The following ZNF385C variants were observed in gnomAD, a reference collection of about 807,000 sequenced individuals.
The protein encoded by ZNF385C is CTD-2132N18.2.
Under a neutral mutation model 35.4 loss-of-function variants are expected in ZNF385C, and 28 were observed. That is an observed-to-expected ratio of 0.79 (90% CI 0.59 to 1.08). The LOEUF (loss-of-function observed/expected upper bound fraction) is 1.08, where lower values mean the gene tolerates loss of function less well. Among genes scored for constraint, ZNF385C ranks in the 50% least tolerant of loss-of-function variants. The pLI is 0.00. For synonymous variants in ZNF385C, 248 were observed against 248.2 expected (o/e 1.00, Z 0.01); for missense variants, 605 against 595.6 (o/e 1.02, Z -0.16).
At position 42,031,771 on chromosome 17, in the gene ZNF385C, G is replaced by A. The variant is rs781856145; in HGVS notation, c.524C>T (p.Ala175Val). The A allele has an allele frequency of 1.3e-6, 2 of 1,550,796 alleles. No individual in the cohort carries two copies. The highest frequency in any genetic ancestry group is 2.4e-5 in the South Asian group (2 of 84,052). The change falls in exon 5 of 9, where the codon GCA (alanine) becomes GTA (valine). Residue 175 changes from alanine (A) to valine (V), a missense_variant. Ala to Val is a moderately conservative substitution (Grantham distance 64, BLOSUM62 0). Transcript: ENST00000692273. ...LRFNSANQAE[A>V]HYKGHKHARK... ...GGCGTGTTTGTGGCCTTTATAATGT[G>A]CCTCGGCCTGGTTCTGGGGAGGGGA... is the stretch of plus-strand genomic sequence containing the variant.
chr17:42,096,183 C>T (rs759223500), intron 1 of ZNF385C, among the ~76,000 whole-genome samples: 1 of 152,202 alleles, frequency 6.6e-6, no homozygotes, highest in South Asian at 2.1e-4. Flanking sequence ...CTTGCTCCAT[C>T]CACAGCCCCT....
chr17:42,081,658 G>A (rs2053750572), intron 1 of ZNF385C, among the ~76,000 whole-genome samples: 1 of 152,056 alleles, frequency 6.6e-6, no homozygotes, highest in Admixed American at 6.6e-5. Context: ...TTACAGGCAT[G>A]AGCCACCACG....
At chr17:42,040,045 A>C (rs1555655949) in intron 2 of ZNF385C, 1 of 1,230,944 alleles carries the variant, frequency 8.1e-7, no homozygotes, top group Admixed American at 4.2e-5. Flanking sequence ...GCGCTTAAAC[A>C]GCGCGAAGTC....
At chr17:42,037,626 GA>G (rs1362297506) in intron 3 of ZNF385C, 110 bp downstream of exon 3, 5 of 1,333,864 alleles carry the variant, frequency 3.7e-6, no homozygotes, top group South Asian at 1.6e-5. Context: ...GGATGTTGGA[GA>G]AAAAGCTCCT....
chr17:42,092,064 G>T (rs782020213), intron 1 of ZNF385C, among the ~76,000 whole-genome samples: 1 of 152,168 alleles, frequency 6.6e-6, no homozygotes, highest in African/African-American at 2.4e-5. Context: ...TTGATTCTGC[G>T]AAAGTTCCTT....
chr17:42,032,251 G>A (rs536015633), intron 4 of ZNF385C, among the ~76,000 whole-genome samples: 7 of 152,120 alleles, frequency 4.6e-5, no homozygotes, highest in African/African-American at 1.7e-4. Flanking sequence ...TAGTAGAGAC[G>A]GGGTTTCACC....
chr17:42,097,010 C>G (rs1389877944), intron 1 of ZNF385C, among the ~76,000 whole-genome samples: 11 of 151,896 alleles, frequency 7.2e-5, no homozygotes, highest in East Asian at 1.9e-4. Flanking sequence ...CCACTCCCCC[C>G]TCCCCTGCTC....
At chr17:42,040,565 G>C (rs2052993639) in intron 2 of ZNF385C, 3 of 1,232,780 alleles carry the variant, frequency 2.4e-6, no homozygotes, top group African/African-American at 3.1e-5. Context: ...CGCAGGGCCA[G>C]GGCCAGTGAC....
rs2052641208 is a variant in ZNF385C, at chr17:42,028,203, G to A, written c.1011C>T (p.Pro337=). The part of the protein sequence containing the change: ...RWMMEGQRGA[P]RRSRGRPVSR... Reference sequence around the variant, plus strand: ...ACACCGGGCGGCCCCGGCTCCTCCGGGGAGCCCCTCGCTGACCTTCCATCA... The same window carrying A: ...ACACCGGGCGGCCCCGGCTCCTCCGAGGAGCCCCTCGCTGACCTTCCATCA... The change falls in exon 7 of 9, where the codon CCC becomes CCT. Residue 337 remains proline (P), a synonymous_variant. Coordinates refer to ENST00000692273, the MANE Select transcript of ZNF385C (RefSeq NM_001392013.1). 6.4e-7 allele frequency: 1 copy of A among 1,571,860 alleles called. No individual in the cohort carries two copies. The highest frequency in any genetic ancestry group is 8.6e-7 in the Non-Finnish European group (1 of 1,161,114).
chr17:42,076,347 C>T (rs984668187), intron 1 of ZNF385C, among the ~76,000 whole-genome samples: 3 of 151,598 alleles, frequency 2.0e-5, no homozygotes, highest in African/African-American at 7.3e-5. Flanking sequence ...TCTGGCCGGG[C>T]GCGGTGGCTC....
chr17:42,067,412 T>G (rs560184267), intron 1 of ZNF385C, among the ~76,000 whole-genome samples: 1 of 152,156 alleles, frequency 6.6e-6, no homozygotes, highest in African/African-American at 2.4e-5. Context: ...GTCCAAACCC[T>G]GCTGCTAGGG....
rs2052582570 is a variant in ZNF385C at position 42,026,560 on chromosome 17, A to G, written c.*337T>C. 4 of 357,574 alleles carry G rather than the reference A, an allele frequency of 1.1e-5. No homozygotes were observed. Among genetic ancestry groups the G allele is most frequent in the South Asian group, 5.3e-5 (2 of 37,850 alleles). The allele number at this position is 357,574 out of a possible 1,614,324, so 22.2% of individuals were successfully genotyped here. A position where few individuals can be genotyped will look rare whatever the true frequency, so the allele number is the denominator to read the frequency against. On this transcript the variant is annotated 3_prime_UTR_variant, in exon 9 of 9. Coordinates refer to ENST00000692273, the MANE Select transcript of ZNF385C (RefSeq NM_001392013.1). The stretch of plus-strand genomic sequence containing the variant: ...CCCTGGCTAGGAGAGGATGGCTTGT[A>G]GAAGCTAAGATTCCTAGAGTCTGGC...
At chr17:42,043,263 A>G in intron 2 of ZNF385C, 1 of 1,232,298 alleles carries the variant, frequency 8.1e-7, no homozygotes, top group Non-Finnish European at 1.0e-6. Context: ...GCTTCCGCTC[A>G]TAGTCAAAGT....
chr17:42,047,627 C>T (rs1427626975), intron 2 of ZNF385C, among the ~76,000 whole-genome samples: 4 of 151,662 alleles, frequency 2.6e-5, no homozygotes, highest in Non-Finnish European at 4.4e-5. Context: ...CTGCCAGATG[C>T]AATCGTAACT....
intron 5 of ZNF385C, among the ~76,000 whole-genome samples, chr17:42,029,890 C>T (rs1263844099): frequency 2.7e-5 from 4 of 149,460 alleles, no homozygotes; most frequent in Non-Finnish European, 5.9e-5. Context: ...AAAAATTAGC[C>T]AGGCATGGTG....
At chr17:42,070,674 A>G (rs9674547) in intron 1 of ZNF385C, among the ~76,000 whole-genome samples, 48,992 of 152,124 alleles carry the variant, frequency 0.32, 8,933 homozygotes, top group African/African-American at 0.48. Context: ...TATGAGGCAA[A>G]GGCAGGGGGT....
intron 2 of ZNF385C, chr17:42,041,170 A>C (rs1555656100): frequency 8.1e-7 from 1 of 1,232,364 alleles, no homozygotes; most frequent in African/African-American, 1.6e-5. Context: ...CTCTGTGTGC[A>C]AGACACTGGC....
At chr17:42,080,223 G>T (rs1189516632) in intron 1 of ZNF385C, among the ~76,000 whole-genome samples, 1 of 152,164 alleles carries the variant, frequency 6.6e-6, no homozygotes, top group Non-Finnish European at 1.5e-5. Context: ...CCATGGAAGG[G>T]AAGGGAAAGC....
Position 42,062,869 on chromosome 17 carries a change from C to T in ZNF385C, c.188G>A (p.Gly63Glu), listed in dbSNP as rs782372453. ...NSAAQAQVHC[G>E]GRAHQRRLRQ... ...AAGCCGCCTCTGGTGGGCCCGCCCC[C>T]CACAGTGCACCTGGGCCTGGGCCGC... The change falls in exon 2 of 9, where the codon GGG (glycine) becomes GAG (glutamate). Residue 63 changes from glycine (G) to glutamate (E), a missense_variant. By Grantham distance (98) the Gly-to-Glu change is moderately conservative. Coordinates refer to ENST00000692273, the MANE Select transcript of ZNF385C (RefSeq NM_001392013.1). 4.5e-6 allele frequency: 3 copies of T among 661,372 alleles called. No homozygotes were observed. The highest frequency in any genetic ancestry group is 4.8e-4 in the Middle Eastern group (2 of 4,180). The allele number at this position is 661,372 out of a possible 1,614,324, so 41.0% of individuals were successfully genotyped here.
Sources: allele counts gnomAD v4.1 joint callset (sites outside exome capture counted in the v4.1 genomes callset), GRCh38; gene constraint gnomAD v4.1.1; transcripts MANE v1.5; gene names NCBI Gene and HGNC (gene_info 2026-07-23, HGNC 2026-07-21).